Variants in PLEKHM2 observed in about 807,000 individuals in gnomAD.
The protein encoded by PLEKHM2 is pleckstrin homology and RUN domain containing M2.
PLEKHM2 carries 77 observed loss-of-function variants against 116.3 expected under a neutral mutation model. That is an observed-to-expected ratio of 0.66 (90% CI 0.55 to 0.80). The LOEUF (loss-of-function observed/expected upper bound fraction) is 0.80. Among genes scored for constraint, PLEKHM2 ranks in the 30% least tolerant of loss-of-function variants. The pLI is 0.00. For synonymous variants in PLEKHM2, 562 were observed against 571.0 expected (o/e 0.98, Z 0.22); for missense variants, 1,183 against 1,354.9 (o/e 0.87, Z 1.99).
At chr1:15,731,493 C>T (rs1361882339) in intron 16 of PLEKHM2, among the ~76,000 whole-genome samples, 1 of 152,150 alleles carries the variant, frequency 6.6e-6, no homozygotes, top group Non-Finnish European at 1.5e-5. Context: ...ATGGGGGAGG[C>T]AGGCCCTTCC....
rs939488917 is a variant in PLEKHM2, at chr1:15,721,075, G to C, written c.653-254G>C. Reference sequence around the variant, plus strand: ...GCCAGGCTTCTCTCTGCCAGAACCAGCTTCTGGATGTGGAAAGGGGTCACC... The same window carrying C: ...GCCAGGCTTCTCTCTGCCAGAACCACCTTCTGGATGTGGAAAGGGGTCACC... On this transcript the variant is annotated intron_variant, in intron 6 of 19. Coordinates refer to ENST00000375799, the MANE Select transcript of PLEKHM2 (RefSeq NM_015164.4). The surrounding 1 kb of genome is among the most constrained non-coding windows in gnomAD (Gnocchi z 5.1). The C allele has an allele frequency of 2.2e-6, 1 of 448,350 alleles. No individual in the cohort carries two copies. The highest frequency in any genetic ancestry group is 3.9e-6 in the Non-Finnish European group (1 of 254,140). The allele number at this position is 448,350 out of a possible 1,614,324, so 27.8% of individuals were successfully genotyped here. A position where few individuals can be genotyped will look rare whatever the true frequency, so the allele number is the denominator to read the frequency against.
rs371826351 is a variant in PLEKHM2, at chr1:15,728,195, G to C, written c.1830+47G>C. 20 of 1,604,286 alleles carry C rather than the reference G, an allele frequency of 1.2e-5. No individual in the cohort carries two copies. The Admixed American group carries it at 2.0e-4, about 16-fold the overall frequency. On this transcript the variant is annotated intron_variant, in intron 10 of 19. Coordinates refer to ENST00000375799, the MANE Select transcript of PLEKHM2 (RefSeq NM_015164.4). This position sits in a 1 kb window ranked among gnomAD's most constrained non-coding sequence, Gnocchi z 5.9. ...GTGAGCAAGAGACGGCAAGGGCAAG[G>C]CGGGATGGGCCACCGCCCCCGCTGG...
At chr1:15,732,555 G>T (rs1309994312) in intron 18 of PLEKHM2, 26 bp downstream of exon 18, 3 of 1,605,022 alleles carry the variant, frequency 1.9e-6, no homozygotes, top group Non-Finnish European at 2.6e-6. Flanking sequence ...GGGCGGGGCT[G>T]CAAGGCCTGC....
intron 1 of PLEKHM2, among the ~76,000 whole-genome samples, chr1:15,702,929 T>C (rs974548963): frequency 1.2e-4 from 18 of 151,046 alleles, no homozygotes; most frequent in African/African-American, 4.4e-4. Context: ...GGTCTTGCTA[T>C]ATTGCCCAGC....
At position 15,728,766 on chromosome 1, in the gene PLEKHM2, G is replaced by C; in HGVS notation, c.1986+33G>C. 1 of 1,568,400 alleles carries C rather than the reference G, an allele frequency of 6.4e-7. No individual in the cohort carries two copies. The highest frequency in any genetic ancestry group is 8.7e-7 in the Non-Finnish European group (1 of 1,149,276). On this transcript the variant is annotated intron_variant, in intron 12 of 19. Coordinates refer to ENST00000375799, the MANE Select transcript of PLEKHM2 (RefSeq NM_015164.4). The surrounding 1 kb of genome is among the most constrained non-coding windows in gnomAD (Gnocchi z 5.9). ...CAGGCCCCGCAGTTGTGCGCCTGCT[G>C]TAGGTACAGGGCTTCTCAAGCCACT...
intron 1 of PLEKHM2, among the ~76,000 whole-genome samples, chr1:15,691,040 G>A (rs144465694): frequency 2.2e-3 from 330 of 152,332 alleles, no homozygotes; most frequent in Non-Finnish European, 3.8e-3. Flanking sequence ...GGGACACTGA[G>A]TAGGATAAGA....
chr1:15,691,086 T>G (rs1314069223), intron 1 of PLEKHM2, among the ~76,000 whole-genome samples: 1 of 152,196 alleles, frequency 6.6e-6, no homozygotes, highest in African/African-American at 2.4e-5. Context: ...GTGTGTTTGT[T>G]TGAGACAGGG....
chr1:15,716,572 A>G (rs963515458), intron 2 of PLEKHM2, 135 bp from the exon 3 acceptor site: 1 of 797,274 alleles, frequency 1.3e-6, no homozygotes, highest in Non-Finnish European at 2.0e-6. Flanking sequence ...TGATGGTGTG[A>G]AGGTGTGCTG....
chr1:15,698,835 C>T (rs145379310), intron 1 of PLEKHM2, among the ~76,000 whole-genome samples: 27 of 152,192 alleles, frequency 1.8e-4, no homozygotes, highest in Admixed American at 1.3e-3. Flanking sequence ...AGGTGTGAGC[C>T]GCTGTGCCTG....
intron 1 of PLEKHM2, among the ~76,000 whole-genome samples, chr1:15,685,344 G>T (rs763639534): frequency 2.6e-5 from 4 of 152,018 alleles, no homozygotes; most frequent in Non-Finnish European, 5.9e-5. Flanking sequence ...TCCGCAAAAG[G>T]GTCCGTGCTA....
intron 7 of PLEKHM2, among the ~76,000 whole-genome samples, chr1:15,722,030 A>G (rs2068003079): frequency 6.6e-6 from 1 of 152,264 alleles, no homozygotes; most frequent in Non-Finnish European, 1.5e-5. Context: ...TAAATTCACA[A>G]AGCTATTCCC....
chr1:15,709,773 G>A (rs1165343233), intron 1 of PLEKHM2, among the ~76,000 whole-genome samples: 1 of 150,494 alleles, frequency 6.6e-6, no homozygotes, highest in Non-Finnish European at 1.5e-5. Flanking sequence ...AAGCCACCTT[G>A]AAATAAATGT....
rs1243031961 is a variant in PLEKHM2, at chr1:15,729,959, G to T, written c.2208+30G>T. On this transcript the variant is annotated intron_variant, in intron 14 of 19. Coordinates refer to ENST00000375799, the MANE Select transcript of PLEKHM2 (RefSeq NM_015164.4). The surrounding 1 kb of genome is among the most constrained non-coding windows in gnomAD (Gnocchi z 4.7). The stretch of plus-strand genomic sequence containing the variant: ...GAACCTGGGGAGGAAGCTGAGTGCA[G>T]CCCCTGAGATGGCAGAGCAGCAGCC... 1 of 1,572,212 alleles carries T rather than the reference G, an allele frequency of 6.4e-7. No individual in the cohort carries two copies. The highest frequency in any genetic ancestry group is 8.6e-7 in the Non-Finnish European group (1 of 1,158,934).
In PLEKHM2 at chr1:15,729,812, T is replaced by G. The variant is rs1166347109; in HGVS notation, c.2091T>G (p.Ser697=). The G allele has an allele frequency of 1.2e-6, 2 of 1,612,336 alleles. No individual in the cohort carries two copies. Among genetic ancestry groups the G allele is most frequent in the South Asian group, 1.1e-5 (1 of 90,984 alleles). Residue 697 remains serine, a synonymous_variant, in exon 14 of 20, where the codon TCT becomes TCG. Coordinates refer to ENST00000375799, the MANE Select transcript of PLEKHM2 (RefSeq NM_015164.4). This position sits in a 1 kb window ranked among gnomAD's most constrained non-coding sequence, Gnocchi z 4.7. ...CCCTATGCAGGTTCTTTTTGGCTTCTTTGAAGTCAGCCATGATCAAAGGCT... is the reference window on the plus strand; with the variant it reads ...CCCTATGCAGGTTCTTTTTGGCTTCGTTGAAGTCAGCCATGATCAAAGGCT... ...DVALAEFFLA[S]LKSAMIKGCR... is the part of the protein sequence containing the mutation.
chr1:15,695,344 A>G lies in PLEKHM2; in HGVS notation c.60+10726A>G, dbSNP rs114289625. 1.8e-3 allele frequency among the ~76,000 whole-genome samples: 273 copies of G among 152,298 alleles called. 1 individual carries two copies. The highest frequency in any genetic ancestry group is 3.4e-3 in the Middle Eastern group (1 of 294). On this transcript the variant is annotated intron_variant, in intron 1 of 19. Transcript: ENST00000375799. Reference sequence around the variant, plus strand: ...GCTCCAAGTTGTTTTTGGTGTTCACAGACTGCTGAGGCATGAGAGTCCTGA... The same window carrying G: ...GCTCCAAGTTGTTTTTGGTGTTCACGGACTGCTGAGGCATGAGAGTCCTGA...
chr1:15,688,849 T>A (rs2148328637), intron 1 of PLEKHM2, among the ~76,000 whole-genome samples: 1 of 152,172 alleles, frequency 6.6e-6, no homozygotes, highest in Non-Finnish European at 1.5e-5. Flanking sequence ...TAACATCTTC[T>A]CCAGGGGAGG....
At position 15,700,852 on chromosome 1, in the gene PLEKHM2, G is replaced by A. The variant is rs895592775; in HGVS notation, c.61-15385G>A. Among the ~76,000 whole-genome samples, 13 of 151,472 alleles carry A rather than the reference G, an allele frequency of 8.6e-5. No individual in the cohort carries two copies. The South Asian group carries it at 2.3e-3, about 27-fold the overall frequency. ...TTATTAGCTGGGCGCGGTGGCTCACGCCTGTAACCCCAGCACTTTGGGAGG... is the reference window on the plus strand; with the variant it reads ...TTATTAGCTGGGCGCGGTGGCTCACACCTGTAACCCCAGCACTTTGGGAGG... On this transcript the variant is annotated intron_variant, in intron 1 of 19. Transcript: ENST00000375799.
Position 15,734,188 on chromosome 1 carries a change from G to T in PLEKHM2, c.*254G>T. 2.0e-6 allele frequency: 1 copy of T among 497,316 alleles called. No homozygotes were observed. The highest frequency in any genetic ancestry group is 3.5e-6 in the Non-Finnish European group (1 of 281,810). The allele number at this position is 497,316 out of a possible 1,614,324, so 30.8% of individuals were successfully genotyped here. A position where few individuals can be genotyped will look rare whatever the true frequency, so the allele number is the denominator to read the frequency against. On this transcript the variant is annotated 3_prime_UTR_variant, in exon 20 of 20. Coordinates refer to ENST00000375799, the MANE Select transcript of PLEKHM2 (RefSeq NM_015164.4). ...GGGGCAGAGGGTCCGAGCCCTGTGG[G>T]CTCTGCGGATGCACGCCCTCCTCCC...
At position 15,716,829 on chromosome 1, in the gene PLEKHM2, A is replaced by C; in HGVS notation, c.277+13A>C. Reference sequence around the variant, plus strand: ...AACCTGGGGCGCAGTGAGTAGTCACAAGGAGACGCTGGGGAAGGGACCAGC... The same window carrying C: ...AACCTGGGGCGCAGTGAGTAGTCACCAGGAGACGCTGGGGAAGGGACCAGC... On this transcript the variant is annotated intron_variant, in intron 3 of 19. Coordinates refer to ENST00000375799, the MANE Select transcript of PLEKHM2 (RefSeq NM_015164.4). 6 of 1,554,722 alleles carry C rather than the reference A, an allele frequency of 3.9e-6. No homozygotes were observed. Among genetic ancestry groups the C allele is most frequent in the Non-Finnish European group, 5.2e-6 (6 of 1,148,864 alleles).
Sources: gnomAD v4.1 joint callset for allele counts (sites outside exome capture counted in the v4.1 genomes callset) on GRCh38, gnomAD v4.1.1 for gene constraint, Gnocchi (gnomAD v3.1) non-coding constraint, MANE v1.5 for transcripts, NCBI Gene and HGNC (gene_info 2026-07-23, HGNC 2026-07-21) for gene names.